SYNJ1: variants seen among roughly 807,000 people sequenced by gnomAD.
SYNJ1 encodes polyphosphatidylinositol phosphatase SYNJ1.
SYNJ1 carries 78 observed loss-of-function variants against 168.2 expected under a neutral mutation model. The observed-to-expected ratio is 0.46, with a 90% CI of 0.39 to 0.56. The LOEUF (loss-of-function observed/expected upper bound fraction) is 0.56. SYNJ1 is among the 20% of genes least tolerant of loss of function. The probability of loss-of-function intolerance (pLI) is 0.00; values close to 1 mark genes in which losing one functional copy is unlikely to be tolerated. For synonymous variants in SYNJ1, 539 were observed against 548.6 expected (o/e 0.98, Z 0.24); for missense variants, 1,303 against 1,597.6 (o/e 0.82, Z 3.14).
intron 26 of SYNJ1, 122 bp from the exon 27 acceptor site, chr21:32,643,579 T>A: frequency 1.0e-6 from 1 of 972,402 alleles, no homozygotes; most frequent in Non-Finnish European, 1.6e-6. Context: ...TTTATTGCTT[T>A]AAATTTCTTC....
intron 30 of SYNJ1, 68 bp downstream of exon 30, chr21:32,639,603 G>T: frequency 7.7e-7 from 1 of 1,304,040 alleles, no homozygotes; most frequent in African/African-American, 1.5e-5. Flanking sequence ...TCACTATGTT[G>T]CCCAAGCTGG....
intron 15 of SYNJ1, among the ~76,000 whole-genome samples, chr21:32,668,198 T>C (rs2041028740): frequency 1.3e-5 from 2 of 152,114 alleles, no homozygotes; most frequent in South Asian, 4.1e-4. Context: ...CCTGAGTAGC[T>C]GGGATTACAG....
Position 32,670,339 on chromosome 21 carries a change from A to G in SYNJ1, c.1760T>C (p.Ile587Thr). The G allele has an allele frequency of 6.2e-7, 1 of 1,613,594 alleles. No individual in the cohort carries two copies. The change falls in exon 15 of 33, where the codon ATT becomes ACT. Residue 587 changes from isoleucine to threonine, a missense_variant. Physicochemically the swap from Ile to Thr is moderately conservative, Grantham distance 89. Around this residue, in one of 2 missense-constraint regions of SYNJ1, gnomAD observed 920 missense variants for 1,208.8 expected, o/e 0.76. Transcript: ENST00000674351. ...KRSKPTDIFA[I>T]GFEEMVELNA... is the part of the protein sequence containing the mutation. ...CAATTCTACCATTTCTTCAAAACCAATTGCAAATATATCAGTTGGCTTACT... is the reference window on the plus strand; with the variant it reads ...CAATTCTACCATTTCTTCAAAACCAGTTGCAAATATATCAGTTGGCTTACT...
At chr21:32,654,504 A>C (rs536685159) in intron 21 of SYNJ1, among the ~76,000 whole-genome samples, 13 of 152,308 alleles carry the variant, frequency 8.5e-5, no homozygotes, top group Non-Finnish European at 1.6e-4. Flanking sequence ...AAAGGTTATA[A>C]TCACCACTGT....
intron 4 of SYNJ1, among the ~76,000 whole-genome samples, chr21:32,699,358 C>T (rs747029523): frequency 6.6e-6 from 1 of 152,214 alleles, no homozygotes; most frequent in East Asian, 1.9e-4. Flanking sequence ...GCACGGGAAC[C>T]AGTGATCAAT....
At position 32,681,541 on chromosome 21, in the gene SYNJ1, G is replaced by A; in HGVS notation, c.1308C>T (p.Ile436=). 1 of 1,613,742 alleles carries A rather than the reference G, an allele frequency of 6.2e-7. No individual in the cohort carries two copies. Among genetic ancestry groups the A allele is most frequent in the Non-Finnish European group, 8.5e-7 (1 of 1,179,790 alleles). ...RSMWSVNGDS[I]SKIYAGTGAL... is the part of the protein sequence containing the mutation. ...CTCCAGTTCCTGCATATATCTTACT[G>A]ATTGAATCACCATTCACGGACCACA... is the stretch of plus-strand genomic sequence containing the variant. Residue 436 remains isoleucine, a synonymous_variant, in exon 11 of 33, where the codon ATC becomes ATT. Transcript: ENST00000674351.
chr21:32,654,497 G>T (rs912130638), intron 21 of SYNJ1, among the ~76,000 whole-genome samples: 1 of 152,104 alleles, frequency 6.6e-6, no homozygotes, highest in Admixed American at 6.5e-5. Flanking sequence ...CTCCTCCAAA[G>T]GTTATAATCA....
chr21:32,710,544 A>C (rs2042790894), intron 2 of SYNJ1, among the ~76,000 whole-genome samples: 1 of 151,102 alleles, frequency 6.6e-6, no homozygotes, highest in Non-Finnish European at 1.5e-5. Context: ...TTTTTTTCCC[A>C]AACAGGATCT....
chr21:32,645,370 C>T (rs1470144261), intron 25 of SYNJ1, among the ~76,000 whole-genome samples: 1 of 152,092 alleles, frequency 6.6e-6, no homozygotes, highest in African/African-American at 2.4e-5. Flanking sequence ...ACATGCCTAA[C>T]TAGATCAAAT....
chr21:32,699,731 A>C, intron 4 of SYNJ1, 107 bp downstream of exon 4: 24 of 1,371,610 alleles, frequency 1.7e-5, no homozygotes, highest in Non-Finnish European at 2.2e-5. Flanking sequence ...GAGGGTCTTC[A>C]GGGTTCTTCC....
chr21:32,687,222 T>C, intron 7 of SYNJ1, 148 bp from the exon 8 acceptor site: 1 of 492,136 alleles, frequency 2.0e-6, no homozygotes, highest in Non-Finnish European at 3.5e-6. Flanking sequence ...GTACATGGTC[T>C]CAAAGCCGAA....
At chr21:32,700,874 T>TCCATAA (rs536817346) in intron 3 of SYNJ1, among the ~76,000 whole-genome samples, 225 of 152,324 alleles carry the variant, frequency 1.5e-3, no homozygotes, top group African/African-American at 4.8e-3. Context: ...AAGTCTCTGG[T>TCCATAA]AACAACTTAT....
At chr21:32,726,995 C>T (rs183778162) in intron 1 of SYNJ1, 78 bp from the exon 2 acceptor site, 125 of 1,526,640 alleles carry the variant, frequency 8.2e-5, no homozygotes, top group Admixed American at 5.0e-4. Context: ...ATCCAAAAGT[C>T]CCTCCCCGCC....
In SYNJ1 at chr21:32,631,486, C is replaced by G. The variant is rs565075239; in HGVS notation, c.*319G>C. On this transcript the variant is annotated 3_prime_UTR_variant, in exon 33 of 33. Transcript: ENST00000674351. ...GCTCTAAATGGGTTTCCAGGAGCAG[C>G]AGTCCTGTCACTGAAAGGATTTGTC... 10 of 1,614,130 alleles carry G rather than the reference C, an allele frequency of 6.2e-6. No individual in the cohort carries two copies. The highest frequency in any genetic ancestry group is 1.7e-5 in the Admixed American group (1 of 60,022).
At chr21:32,725,042 G>A (rs1037262597) in intron 2 of SYNJ1, among the ~76,000 whole-genome samples, 17 of 152,074 alleles carry the variant, frequency 1.1e-4, no homozygotes, top group African/African-American at 3.4e-4. Flanking sequence ...CATAAAAGAC[G>A]GCTGCTGGAG....
At chr21:32,640,991 T>C (rs2145735912) in intron 29 of SYNJ1, among the ~76,000 whole-genome samples, 1 of 152,304 alleles carries the variant, frequency 6.6e-6, no homozygotes, top group South Asian at 2.1e-4. Flanking sequence ...GATCAGTGAA[T>C]GGCAAATTTC....
chr21:32,658,091 T>A (rs1169086495), intron 18 of SYNJ1, among the ~76,000 whole-genome samples: 1 of 152,234 alleles, frequency 6.6e-6, no homozygotes, highest in African/African-American at 2.4e-5. Context: ...AGGGAAATTC[T>A]GGGCAGAAGT....
rs111286920 is a variant in SYNJ1 at position 32,705,048 on chromosome 21, T to C, written c.125-3001A>G. Among the ~76,000 whole-genome samples, 11 of 151,444 alleles carry C rather than the reference T, an allele frequency of 7.3e-5. 1 individual carries two copies. The highest frequency in any genetic ancestry group is 2.7e-4 in the African/African-American group (11 of 41,216). On this transcript the variant is annotated intron_variant, in intron 2 of 32. Coordinates refer to ENST00000674351, the MANE Select transcript of SYNJ1 (RefSeq NM_203446.3). ...CATGTAGTCCCAGCTACTCGGGAAG[T>C]TGAGGCAGGAGAATCACTTGAACCT...
chr21:32,699,733 G>T, intron 4 of SYNJ1, 105 bp downstream of exon 4: 7 of 1,387,778 alleles, frequency 5.0e-6, no homozygotes, highest in Non-Finnish European at 6.8e-6. Flanking sequence ...GGGTCTTCAG[G>T]GTTCTTCCTC....
Sources: gnomAD v4.1 joint callset for allele counts (sites outside exome capture counted in the v4.1 genomes callset) on GRCh38, gnomAD v4.1.1 for gene constraint, gnomAD v4.1.1 regional missense constraint, MANE v1.5 for transcripts, NCBI Gene and HGNC (gene_info 2026-07-23, HGNC 2026-07-21) for gene names.